The following PLP1 variants were observed in gnomAD, a reference collection of about 807,000 sequenced individuals.
PLP1 encodes the protein proteolipid protein 1.
Under a neutral mutation model 18.5 loss-of-function variants are expected in PLP1, and 2 were observed. The ratio of observed to expected loss-of-function variants is 0.11; its 90% CI spans 0.04 to 0.34. The LOEUF (loss-of-function observed/expected upper bound fraction) is 0.34, where lower values mean the gene tolerates loss of function less well. PLP1 is among the 10% of genes least tolerant of loss of function. The pLI is 1.00. For missense variants in PLP1, 105 were observed against 207.3 expected, an observed-to-expected ratio of 0.51 and a Z score of 3.03; for synonymous variants, 86 against 83.2, an observed-to-expected ratio of 1.03 and a Z score of -0.19.
Position 103,790,575 on chromosome X carries a change from A to G in PLP1, c.811A>G (p.Met271Val). 1 of 1,206,866 alleles carries G rather than the reference A, an allele frequency of 8.3e-7. No homozygotes were observed. Among genetic ancestry groups the G allele is most frequent in the Non-Finnish European group, 1.1e-6 (1 of 891,310 alleles). ...ATYNFAVLKL[M>V]GRGTKF ...TTACAACTTTGCCGTCCTTAAACTC[A>G]TGGGCCGAGGCACCAAGTTCTGATC... The change falls in exon 7 of 7, where the codon ATG becomes GTG. Residue 271 changes from methionine to valine, a missense_variant. Coordinates refer to ENST00000621218, the MANE Select transcript of PLP1 (RefSeq NM_000533.5).
At chrX:103,778,179 T>C (rs769278301) in intron 1 of PLP1, among the ~76,000 whole-genome samples, 5 of 112,163 alleles carry the variant, frequency 4.5e-5, no homozygotes, top group Non-Finnish European at 9.4e-5. Flanking sequence ...ATCTGGAAAA[T>C]GGGGACAGCA....
intron 1 of PLP1, among the ~76,000 whole-genome samples, chrX:103,777,545 C>T (rs1415503390): frequency 8.9e-6 from 1 of 112,130 alleles, no homozygotes; most frequent in East Asian, 2.8e-4. Context: ...AATGGCTTGA[C>T]CATGGGAAAC....
chrX:103,776,942 A>G lies in PLP1; in HGVS notation c.-54A>G. ...AGGATCCTTCCAGCTGAACAAAGTC[A>G]GCCACAAAGCAGACTAGCCAGCCGG... On this transcript the variant is annotated 5_prime_UTR_variant, in exon 1 of 7. Transcript: ENST00000621218. The G allele has an allele frequency of 8.6e-7, 1 of 1,161,850 alleles. No individual in the cohort carries two copies.
At position 103,792,310 on chromosome X, in the gene PLP1, A is replaced by C. The variant is rs1198026640; in HGVS notation, c.*1712A>C. ...TATACAAGATAAGCTTCCAGGCTGC[A>C]TAGAAGGAGGAGAGGGAAAATGTTT... On this transcript the variant is annotated 3_prime_UTR_variant, in exon 7 of 7. Transcript: ENST00000621218. 1 of 112,468 alleles carries C rather than the reference A, an allele frequency of 8.9e-6. No individual in the cohort carries two copies. The highest frequency in any genetic ancestry group is 1.9e-5 in the Non-Finnish European group (1 of 53,267). 9.3% of individuals were successfully genotyped at this position (112,468 alleles called of 1,213,427 possible).
At chrX:103,778,615 G>A (rs2074429322) in intron 1 of PLP1, among the ~76,000 whole-genome samples, 1 of 111,731 alleles carries the variant, frequency 9.0e-6, no homozygotes, top group Non-Finnish European at 1.9e-5. Context: ...CTGTTATGGA[G>A]GCTGGGTGGT....
rs1287463088 is a variant in PLP1 at position 103,786,919 on chromosome X, G to A, written c.453+193G>A. 1.1e-5 allele frequency: 5 copies of A among 459,953 alleles called. No individual in the cohort carries two copies. The African/African-American group carries it at 1.2e-4, about 11-fold the overall frequency. 37.9% of individuals were successfully genotyped at this position (459,953 alleles called of 1,213,427 possible). On this transcript the variant is annotated intron_variant, in intron 3 of 6. Transcript: ENST00000621218. ...AGCTGGCTTAGCCTCACCTTTCAAA[G>A]GTTCCCTAAGCAAATTTCTTCTCAA... is the stretch of plus-strand genomic sequence containing the variant.
At chrX:103,786,779 C>T (rs769381987) in intron 3 of PLP1, 53 bp downstream of exon 3, 7 of 1,167,820 alleles carry the variant, frequency 6.0e-6, no homozygotes, top group African/African-American at 3.6e-5. Context: ...GAAAATTGGG[C>T]GCGAGTCTGT....
chrX:103,780,339 A>G (rs1182837922), intron 1 of PLP1: 2 of 112,080 alleles, frequency 1.8e-5, no homozygotes, highest in Admixed American at 9.5e-5. Flanking sequence ...CAAGGTGGAG[A>G]CAATGTGCCA....
chrX:103,790,780 T>C lies in PLP1; in HGVS notation c.*182T>C, dbSNP rs934822443. The C allele has an allele frequency of 2.1e-6, 1 of 471,793 alleles. No homozygotes were observed. The allele number at this position is 471,793 out of a possible 1,213,427, so 38.9% of individuals were successfully genotyped here. A position where few individuals can be genotyped will look rare whatever the true frequency, so the allele number is the denominator to read the frequency against. ...TCTCTCTTTGGACTCTCCCCTCTTA[T>C]GTACCTCTTTTAGTCATTTTGCTTC... On this transcript the variant is annotated 3_prime_UTR_variant, in exon 7 of 7. Coordinates refer to ENST00000621218, the MANE Select transcript of PLP1 (RefSeq NM_000533.5).
chrX:103,776,894 C>T lies in PLP1; in HGVS notation c.-102C>T, dbSNP rs774706532. 136 of 794,071 alleles carry T rather than the reference C, an allele frequency of 1.7e-4. 1 individual carries two copies. In the Middle Eastern group the frequency reaches 9.6e-3, roughly 56 times the overall value. The allele number at this position is 794,071 out of a possible 1,213,427, so 65.4% of individuals were successfully genotyped here. A position where few individuals can be genotyped will look rare whatever the true frequency, so the allele number is the denominator to read the frequency against. On this transcript the variant is annotated 5_prime_UTR_variant, in exon 1 of 7. Coordinates refer to ENST00000621218, the MANE Select transcript of PLP1 (RefSeq NM_000533.5). The stretch of plus-strand genomic sequence containing the variant: ...TACTCAGAGAGAAAAAGTAAAAGAC[C>T]GAAGAAGGAGGCTGGAGAGACCAGG...
intron 1 of PLP1, among the ~76,000 whole-genome samples, chrX:103,785,352 C>A (rs992408574): frequency 1.8e-5 from 2 of 112,775 alleles, no homozygotes; most frequent in Non-Finnish European, 3.7e-5. Context: ...GCTGGGATTA[C>A]AGGCATGAGC....
At chrX:103,781,718 T>C in intron 1 of PLP1, among the ~76,000 whole-genome samples, 2 of 112,641 alleles carry the variant, frequency 1.8e-5, no homozygotes, top group Middle Eastern at 9.3e-3. Context: ...TATTTTTCTC[T>C]ATGACCTTTC....
chrX:103,791,409 A>G lies in PLP1; in HGVS notation c.*811A>G, dbSNP rs1446540818. The stretch of plus-strand genomic sequence containing the variant: ...CTGTGGTTTCCAAGGAGCTGAGAAT[A>G]GAAGGAAACTAGCTTACATGAGAAC... On this transcript the variant is annotated 3_prime_UTR_variant, in exon 7 of 7. Coordinates refer to ENST00000621218, the MANE Select transcript of PLP1 (RefSeq NM_000533.5). 3.6e-5 allele frequency: 4 copies of G among 112,649 alleles called. No homozygotes were observed. The highest frequency in any genetic ancestry group is 9.4e-5 in the Admixed American group (1 of 10,610). 9.3% of individuals were successfully genotyped at this position (112,649 alleles called of 1,213,427 possible).
At chrX:103,788,653 G>C (rs2074519544) in intron 5 of PLP1, 143 bp downstream of exon 5, 1 of 572,324 alleles carries the variant, frequency 1.7e-6, no homozygotes, top group Admixed American at 2.3e-5. Flanking sequence ...TGTTGGCTAA[G>C]TGTGCCTGAG....
intron 4 of PLP1, 52 bp from the exon 5 acceptor site, chrX:103,788,385 G>A (rs2074516716): frequency 4.5e-6 from 4 of 889,112 alleles, no homozygotes; most frequent in Admixed American, 4.4e-5. Flanking sequence ...GTCTCCATGT[G>A]GCCCCGTAAC....
chrX:103,788,498 C>T lies in PLP1; in HGVS notation c.684C>T (p.Cys228=). ...GTGGCTCCAACCTTCTGTCCATCTGCAAAACAGCTGAGGTGAGTGGGTTAT... is the reference window on the plus strand; with the variant it reads ...GTGGCTCCAACCTTCTGTCCATCTGTAAAACAGCTGAGGTGAGTGGGTTAT... ...KVCGSNLLSI[C]KTAEFQMTFH... The change falls in exon 5 of 7, where the codon TGC becomes TGT. Residue 228 remains cysteine, a synonymous_variant. Coordinates refer to ENST00000621218, the MANE Select transcript of PLP1 (RefSeq NM_000533.5). 8.3e-7 allele frequency: 1 copy of T among 1,201,512 alleles called. No individual in the cohort carries two copies. Among genetic ancestry groups the T allele is most frequent in the Middle Eastern group, 2.3e-4 (1 of 4,325 alleles).
chrX:103,786,107 C>T lies in PLP1; in HGVS notation c.191+339C>T, dbSNP rs969218235. 8.4e-6 allele frequency: 9 copies of T among 1,077,464 alleles called. No homozygotes were observed. In the African/African-American group the frequency reaches 1.5e-4, roughly 18 times the overall value. The allele number at this position is 1,077,464 out of a possible 1,213,427, so 88.8% of individuals were successfully genotyped here. ...AGGGAGGCACTAAGCCTCTCCTGTT[C>T]CTAGAACAAGTTAGGCTCCTGTTCC... On this transcript the variant is annotated intron_variant, in intron 2 of 6. Coordinates refer to ENST00000621218, the MANE Select transcript of PLP1 (RefSeq NM_000533.5).
At position 103,778,565 on chromosome X, in the gene PLP1, G is replaced by A. The variant is rs189884106; in HGVS notation, c.4+1566G>A. On this transcript the variant is annotated intron_variant, in intron 1 of 6. Transcript: ENST00000621218. ...TTCCTCAGGGGATGAAATCCCTGAGGAAAGGCAGGAACAAATAAAGTGACC... is the reference window on the plus strand; with the variant it reads ...TTCCTCAGGGGATGAAATCCCTGAGAAAAGGCAGGAACAAATAAAGTGACC... Among the ~76,000 whole-genome samples, 45 of 111,450 alleles carry A rather than the reference G, an allele frequency of 4.0e-4. 1 individual carries two copies. The Admixed American group carries it at 4.1e-3, about 10-fold the overall frequency.
Position 103,790,664 on chromosome X carries a change from C to A in PLP1, c.*66C>A. ...AACCACACAGCCTACAATGCTGCGT[C>A]TCCCATCTTAACTCTTTGCCTTTGC... On this transcript the variant is annotated 3_prime_UTR_variant, in exon 7 of 7. Coordinates refer to ENST00000621218, the MANE Select transcript of PLP1 (RefSeq NM_000533.5). The A allele has an allele frequency of 1.2e-6, 1 of 824,789 alleles. No homozygotes were observed. Among genetic ancestry groups the A allele is most frequent in the Non-Finnish European group, 1.8e-6 (1 of 542,002 alleles). The allele number at this position is 824,789 out of a possible 1,213,427, so 68.0% of individuals were successfully genotyped here.
Sources: gnomAD v4.1 joint callset for allele counts (sites outside exome capture counted in the v4.1 genomes callset) on GRCh38, gnomAD v4.1.1 for gene constraint, MANE v1.5 for transcripts, NCBI Gene and HGNC (gene_info 2026-07-23, HGNC 2026-07-21) for gene names.